Variants in CLDN10 observed in about 807,000 individuals in gnomAD.
The protein encoded by CLDN10 is claudin-10.
In CLDN10, 15 loss-of-function variants were observed where a neutral mutation model predicts 22.9. The ratio of observed to expected loss-of-function variants is 0.65; its 90% CI spans 0.44 to 1.01. The LOEUF is 1.01. Ranked by LOEUF, CLDN10 falls within the 50% of genes least tolerant of loss-of-function variation. The pLI, the probability that CLDN10 is intolerant of heterozygous loss-of-function variation, is 0.00. For missense variants in CLDN10, 247 were observed against 287.8 expected (o/e 0.86, Z 1.03); for synonymous variants, 114 against 111.4 (o/e 1.02, Z -0.15).
intron 1 of CLDN10, among the ~76,000 whole-genome samples, chr13:95,467,087 C>T (rs543638882): frequency 6.6e-6 from 1 of 151,536 alleles, no homozygotes; most frequent in Non-Finnish European, 1.5e-5. Context: ...CCATGTTAGC[C>T]AGGATGGTTT....
chr13:95,541,354 G>A (rs953172804), intron 1 of CLDN10, among the ~76,000 whole-genome samples: 3 of 152,170 alleles, frequency 2.0e-5, no homozygotes, highest in African/African-American at 7.2e-5. Flanking sequence ...GCAAGTATGG[G>A]CAAAACTTAA....
chr13:95,545,917 A>T (rs896140403), intron 1 of CLDN10, among the ~76,000 whole-genome samples: 1 of 152,162 alleles, frequency 6.6e-6, no homozygotes, highest in Non-Finnish European at 1.5e-5. Flanking sequence ...AAGCACGCAG[A>T]AGACAGATTT....
At chr13:95,538,654 G>A (rs1315668822) in intron 1 of CLDN10, among the ~76,000 whole-genome samples, 1 of 152,066 alleles carries the variant, frequency 6.6e-6, no homozygotes, top group African/African-American at 2.4e-5. Context: ...CTGACCATAA[G>A]ATCTGATCTC....
At chr13:95,484,580 C>T (rs550121953) in intron 1 of CLDN10, among the ~76,000 whole-genome samples, 25 of 151,912 alleles carry the variant, frequency 1.6e-4, no homozygotes, top group African/African-American at 2.7e-4. Flanking sequence ...TGGTGGCTCA[C>T]GCCTGTAATC....
intron 1 of CLDN10, among the ~76,000 whole-genome samples, chr13:95,523,167 TTCTA>T (rs1403674937): frequency 1.3e-5 from 2 of 152,244 alleles, no homozygotes; most frequent in East Asian, 1.9e-4. Flanking sequence ...TTGCTTATTA[TTCTA>T]TCTTTTTTTG....
intron 1 of CLDN10, among the ~76,000 whole-genome samples, chr13:95,490,364 T>C (rs534455024): frequency 2.6e-5 from 4 of 152,342 alleles, no homozygotes; most frequent in Admixed American, 2.6e-4. Context: ...GGGATGTGTT[T>C]CCATTTGTTT....
chr13:95,493,918 G>A (rs949047732), intron 1 of CLDN10, among the ~76,000 whole-genome samples: 4 of 152,076 alleles, frequency 2.6e-5, no homozygotes, highest in East Asian at 1.9e-4. Context: ...GTTCATCCAC[G>A]TTGTGCATGT....
chr13:95,472,597 G>A lies in CLDN10; in HGVS notation c.214+38550G>A, dbSNP rs554094403. ...AGGCAGGAGAATTGCTTAAACCCAGGAGGCAGAGGTTGCAGTGAGCCAAGA... is the reference window on the plus strand; with the variant it reads ...AGGCAGGAGAATTGCTTAAACCCAGAAGGCAGAGGTTGCAGTGAGCCAAGA... On this transcript the variant is annotated intron_variant, in intron 1 of 4. Coordinates refer to the CLDN10 transcript ENST00000376873. Among the ~76,000 whole-genome samples the A allele has an allele frequency of 2.0e-5, 3 of 151,532 alleles. No homozygotes were observed. The East Asian group carries it at 5.8e-4, about 29-fold the overall frequency.
At chr13:95,544,995 C>A (rs1444019829) in intron 1 of CLDN10, among the ~76,000 whole-genome samples, 1 of 151,776 alleles carries the variant, frequency 6.6e-6, no homozygotes, top group Middle Eastern at 3.2e-3. Flanking sequence ...CCAAGCTGGT[C>A]TCAAACTCCT....
intron 3 of CLDN10, among the ~76,000 whole-genome samples, chr13:95,563,290 T>C (rs1332246362): frequency 6.6e-6 from 1 of 152,082 alleles, no homozygotes; most frequent in Non-Finnish European, 1.5e-5. Context: ...TGTGTTATAT[T>C]AATTATTATT....
upstream of CLDN10, among the ~76,000 whole-genome samples, chr13:95,552,140 A>C (rs1025049146): frequency 1.4e-4 from 21 of 152,374 alleles, no homozygotes; most frequent in East Asian, 4.1e-3. Flanking sequence ...CAGGCCAAAA[A>C]GAACTGCAGA....
At chr13:95,534,929 A>G (rs2043384400) in intron 1 of CLDN10, among the ~76,000 whole-genome samples, 1 of 152,212 alleles carries the variant, frequency 6.6e-6, no homozygotes, top group South Asian at 2.1e-4. Flanking sequence ...ACAAACTCCA[A>G]TTCTGCGCAG....
At chr13:95,530,836 C>T (rs912319519) in intron 1 of CLDN10, among the ~76,000 whole-genome samples, 2 of 152,142 alleles carry the variant, frequency 1.3e-5, no homozygotes, top group Non-Finnish European at 2.9e-5. Flanking sequence ...ATGAAACTCA[C>T]TTACCTAAGT....
chr13:95,509,925 A>G lies in CLDN10; in HGVS notation c.215-50207A>G, dbSNP rs560716216. Among the ~76,000 whole-genome samples, 45 of 152,292 alleles carry G rather than the reference A, an allele frequency of 3.0e-4. 1 individual carries two copies. In the South Asian group the frequency reaches 4.8e-3, roughly 16 times the overall value. Reference sequence around the variant, plus strand: ...ACAGCTTCCAGGTGTGCTGGTAAACATTTAAAAGGTGGTGGGTAGGATAGG... The same window carrying G: ...ACAGCTTCCAGGTGTGCTGGTAAACGTTTAAAAGGTGGTGGGTAGGATAGG... On this transcript the variant is annotated intron_variant, in intron 1 of 4. Transcript: ENST00000376873.
intron 1 of CLDN10, among the ~76,000 whole-genome samples, chr13:95,446,382 A>G (rs2042379280): frequency 1.3e-5 from 2 of 152,234 alleles, no homozygotes; most frequent in African/African-American, 4.8e-5. Context: ...GTTTTGAACA[A>G]CTGCCAAGCT....
intron 1 of CLDN10, among the ~76,000 whole-genome samples, chr13:95,463,359 G>A (rs2042555413): frequency 1.1e-5 from 1 of 93,494 alleles, no homozygotes; most frequent in South Asian, 3.5e-4. Flanking sequence ...TTGAGACAGA[G>A]TCTCCCTCCT....
chr13:95,538,234 G>C (rs143482635), intron 1 of CLDN10, among the ~76,000 whole-genome samples: 1,793 of 137,256 alleles, frequency 0.013, 32 homozygotes, highest in African/African-American at 0.046. Context: ...TTCCTGGGTT[G>C]AGGCGATTCT....
intron 3 of CLDN10, among the ~76,000 whole-genome samples, chr13:95,573,717 TTGTGTGTGTG>T (rs34469647): frequency 4.0e-5 from 6 of 149,048 alleles, no homozygotes; most frequent in African/African-American, 7.4e-5. Flanking sequence ...TTATTTTTAT[TTGTGTGTGTG>T]TGTGTGTGTG....
In CLDN10 at chr13:95,577,238, T is replaced by A; in HGVS notation, c.472T>A (p.Leu158Ile). Residue 158 changes from leucine (L) to isoleucine (I), a missense_variant, in exon 4 of 5, where the codon TTA becomes ATA. Physicochemically the swap from Leu to Ile is conservative, Grantham distance 5. Transcript: ENST00000299339. ...TGTAATGCTTTCTCACAGGTATGAA[T>A]TAGGAGCCGCTCTGTTTATTGGATG... ...DPLFVEQKYE[L>I]GAALFIGWAG... 1 of 1,612,456 alleles carries A rather than the reference T, an allele frequency of 6.2e-7. No homozygotes were observed. Among genetic ancestry groups the A allele is most frequent in the Non-Finnish European group, 8.5e-7 (1 of 1,178,540 alleles).
Sources: gnomAD v4.1 joint callset for allele counts (sites outside exome capture counted in the v4.1 genomes callset) on GRCh38, gnomAD v4.1.1 for gene constraint, MANE v1.5 for transcripts, NCBI Gene and HGNC (gene_info 2026-07-23, HGNC 2026-07-21) for gene names.